The following FRMD4A variants were observed in gnomAD, a reference collection of about 807,000 sequenced individuals.
The protein encoded by FRMD4A is FERM domain containing 4A.
In FRMD4A, 29 loss-of-function variants were observed where a neutral mutation model predicts 129.1. The observed-to-expected ratio is 0.22, with a 90% CI of 0.17 to 0.31. The LOEUF (loss-of-function observed/expected upper bound fraction) is 0.31. Ranked by LOEUF, FRMD4A falls within the 10% of genes least tolerant of loss-of-function variation. The probability of loss-of-function intolerance (pLI) is 1.00; values close to 1 mark genes in which losing one functional copy is unlikely to be tolerated. For missense variants in FRMD4A, 1,272 were observed against 1,375.8 expected (o/e 0.92, Z 1.19); for synonymous variants, 634 against 571.6 (o/e 1.11, Z -1.56).
At chr10:13,800,590 G>T (rs182328167) in intron 4 of FRMD4A, among the ~76,000 whole-genome samples, 104 of 152,244 alleles carry the variant, frequency 6.8e-4, no homozygotes, top group African/African-American at 2.4e-3. Context: ...AATGGTCCAG[G>T]CTTGAGATAT....
Position 13,754,453 on chromosome 10 carries a change from A to G in FRMD4A, c.465-6634T>C, listed in dbSNP as rs142851500. Among the ~76,000 whole-genome samples the G allele has an allele frequency of 2.2e-3, 333 of 152,308 alleles. 2 individuals carry two copies. The highest frequency in any genetic ancestry group is 7.0e-3 in the African/African-American group (292 of 41,586). ...AACATTTTGCTTCAAATTTTCACAGATTCTGTTCCTTTCAAAAGCTCTTGC... is the reference window on the plus strand; with the variant it reads ...AACATTTTGCTTCAAATTTTCACAGGTTCTGTTCCTTTCAAAAGCTCTTGC... On this transcript the variant is annotated intron_variant, in intron 8 of 24. Coordinates refer to ENST00000357447, the MANE Select transcript of FRMD4A (RefSeq NM_018027.5).
At chr10:14,109,211 G>GAAAAAAAAAAAAA (rs34937254) in intron 2 of FRMD4A, among the ~76,000 whole-genome samples, 1 of 114,288 alleles carries the variant, frequency 8.7e-6, no homozygotes. Flanking sequence ...AAGCATCTCA[G>GAAAAAAAAAAAAA]AAAAAAAAAA....
At chr10:13,651,249 T>C (rs1009811262) in intron 24 of FRMD4A, 1 of 152,298 alleles carries the variant, frequency 6.6e-6, no homozygotes, top group Non-Finnish European at 1.5e-5. Flanking sequence ...GGAAAAGCAG[T>C]GCTCATAGCT....
chr10:13,670,833 G>C (rs1010264521), intron 16 of FRMD4A, among the ~76,000 whole-genome samples: 10 of 152,112 alleles, frequency 6.6e-5, no homozygotes, highest in African/African-American at 2.4e-4. Context: ...TCATTCATTT[G>C]TTAAGTGAAC....
intron 2 of FRMD4A, among the ~76,000 whole-genome samples, chr10:14,275,113 A>C (rs928526253): frequency 6.6e-6 from 1 of 152,182 alleles, no homozygotes; most frequent in Non-Finnish European, 1.5e-5. Context: ...GCTGGTCAGC[A>C]CCAGTCTATT....
intron 2 of FRMD4A, chr10:13,871,234 C>T (rs1326196578): frequency 6.2e-6 from 1 of 161,840 alleles, no homozygotes; most frequent in African/African-American, 2.4e-5. Context: ...CTTCCCAATA[C>T]TATTCACGCT....
intron 2 of FRMD4A, among the ~76,000 whole-genome samples, chr10:13,992,812 G>C (rs994629641): frequency 9.2e-5 from 14 of 152,034 alleles, no homozygotes; most frequent in African/African-American, 2.7e-4. Context: ...AATTAGCCAG[G>C]CATGGTGGCG....
At chr10:14,012,369 C>T (rs2095685306) in intron 2 of FRMD4A, among the ~76,000 whole-genome samples, 1 of 152,170 alleles carries the variant, frequency 6.6e-6, no homozygotes, top group Admixed American at 6.5e-5. Flanking sequence ...TGCATTAAAA[C>T]CCTGGAAGGA....
At chr10:13,740,735 G>A (rs77210505) in intron 9 of FRMD4A, among the ~76,000 whole-genome samples, 158 bp from the exon 10 acceptor site, 3,194 of 151,866 alleles carry the variant, frequency 0.021, 116 homozygotes, top group African/African-American at 0.074. Context: ...TTCCAAACTC[G>A]GTCTGAGTGC....
chr10:14,286,727 T>C (rs1270024255), intron 2 of FRMD4A, among the ~76,000 whole-genome samples: 1 of 152,094 alleles, frequency 6.6e-6, no homozygotes, highest in Non-Finnish European at 1.5e-5. Context: ...ATGAGGAGTA[T>C]GAAAACCCTG....
At chr10:13,960,699 A>G (rs1458866971) in intron 2 of FRMD4A, among the ~76,000 whole-genome samples, 1 of 152,166 alleles carries the variant, frequency 6.6e-6, no homozygotes, top group South Asian at 2.1e-4. Context: ...GGATGGGTTG[A>G]CCGGCAGCCC....
At chr10:14,202,497 G>A (rs1842667663) in intron 2 of FRMD4A, among the ~76,000 whole-genome samples, 1 of 152,102 alleles carries the variant, frequency 6.6e-6, no homozygotes, top group South Asian at 2.1e-4. Flanking sequence ...CGCCTCCTGG[G>A]TTCAAGCGAT....
intron 21 of FRMD4A, among the ~76,000 whole-genome samples, 172 bp downstream of exon 21, chr10:13,659,151 C>T (rs933684906): frequency 2.6e-5 from 4 of 152,200 alleles, no homozygotes; most frequent in Non-Finnish European, 5.9e-5. Context: ...GCATGGGTCT[C>T]TTGGCTAACG....
chr10:13,660,674 CCT>C, intron 19 of FRMD4A, 121 bp from the exon 20 acceptor site: 1 of 637,750 alleles, frequency 1.6e-6, no homozygotes, highest in Non-Finnish European at 2.8e-6. Context: ...CACCTTCACC[CCT>C]GTGATGAGAA....
At chr10:13,719,774 C>T (rs2089244960) in intron 12 of FRMD4A, among the ~76,000 whole-genome samples, 1 of 152,134 alleles carries the variant, frequency 6.6e-6, no homozygotes, top group African/African-American at 2.4e-5. Flanking sequence ...CCCAACTGAA[C>T]AGATCCTTAG....
intron 15 of FRMD4A, among the ~76,000 whole-genome samples, chr10:13,679,417 ACT>A (rs1262543010): frequency 9.7e-6 from 1 of 102,928 alleles, no homozygotes; most frequent in African/African-American, 3.8e-5. Flanking sequence ...ACAGAGTGAG[ACT>A]CTGTCTCAAA....
chr10:13,694,529 G>T (rs373820914), intron 14 of FRMD4A, among the ~76,000 whole-genome samples: 3 of 152,050 alleles, frequency 2.0e-5, no homozygotes, highest in African/African-American at 7.3e-5. Flanking sequence ...ATTATTTAGT[G>T]CTTAAACAAG....
intron 2 of FRMD4A, among the ~76,000 whole-genome samples, chr10:14,136,242 T>A (rs901563133): frequency 1.3e-5 from 2 of 152,144 alleles, no homozygotes; most frequent in African/African-American, 4.8e-5. Flanking sequence ...GTGAACTGCA[T>A]CAGACAAACC....
chr10:14,011,660 C>T (rs975995965), intron 2 of FRMD4A, among the ~76,000 whole-genome samples: 2 of 152,052 alleles, frequency 1.3e-5, no homozygotes, highest in Non-Finnish European at 1.5e-5. Context: ...CCTGAGGGAC[C>T]GAGACATTGG....
Sources: allele counts gnomAD v4.1 joint callset (sites outside exome capture counted in the v4.1 genomes callset), GRCh38; gene constraint gnomAD v4.1.1; transcripts MANE v1.5; gene names NCBI Gene and HGNC (gene_info 2026-07-23, HGNC 2026-07-21).